The following C1orf167 variants were observed in gnomAD, a reference collection of about 807,000 sequenced individuals.
C1orf167 encodes the protein chromosome 1 open reading frame 167, also known as uncharacterized protein C1orf167.
A neutral mutation model predicts 176.5 loss-of-function variants in C1orf167; 153 were observed. That is an observed-to-expected ratio of 0.87 (90% CI 0.76 to 0.99). The LOEUF (loss-of-function observed/expected upper bound fraction) is 0.99, where lower values mean the gene tolerates loss of function less well. C1orf167 is among the 50% of genes least tolerant of loss of function. The pLI is 0.00. For missense variants in C1orf167, 1,490 were observed against 1,817.7 expected, an observed-to-expected ratio of 0.82 and a Z score of 3.28; for synonymous variants, 594 against 752.7, an observed-to-expected ratio of 0.79 and a Z score of 3.45.
rs1022219939 is a variant in C1orf167, at chr1:11,778,944, C to A, written c.2515C>A (p.Leu839Ile). Reference sequence around the variant, plus strand: ...TCCCCAGGTTCCCAGGGCCCCCACCCTCCCGGACACTCTCCAGGGGAGCCT... The same window carrying A: ...TCCCCAGGTTCCCAGGGCCCCCACCATCCCGGACACTCTCCAGGGGAGCCT... Reference protein sequence around the residue: ...SLEKVPRAPTLPDTLQGSLLW... With the variant: ...SLEKVPRAPTIPDTLQGSLLW... Residue 839 changes from leucine to isoleucine, a missense_variant, in exon 12 of 21, where the codon CTC becomes ATC. Physicochemically the swap from Leu to Ile is conservative, Grantham distance 5. Transcript: ENST00000688073. 123 of 1,303,660 alleles carry A rather than the reference C, an allele frequency of 9.4e-5. No homozygotes were observed. The highest frequency in any genetic ancestry group is 1.2e-4 in the Non-Finnish European group (122 of 988,636). The allele number at this position is 1,303,660 out of a possible 1,614,324, so 80.8% of individuals were successfully genotyped here.
chr1:11,776,567 C>T lies in C1orf167; in HGVS notation c.2268C>T (p.Ala756=). Residue 756 remains alanine (A), a synonymous_variant, in exon 10 of 21, where the codon GCC becomes GCT. Transcript: ENST00000688073. ...AAGGCCGGGGCTCCCTGCAGGATGC[C>T]TGCTGGACACTGGCCCTCTGCTGGG... ...QEQGRGSLQD[A]CWTLALCWAL... 7.9e-7 allele frequency: 1 copy of T among 1,258,668 alleles called. No homozygotes were observed. Among genetic ancestry groups the T allele is most frequent in the South Asian group, 1.3e-5 (1 of 74,898 alleles). 78.0% of individuals were successfully genotyped at this position (1,258,668 alleles called of 1,614,324 possible). A position where few individuals can be genotyped will look rare whatever the true frequency, so the allele number is the denominator to read the frequency against.
intron 16 of C1orf167, 151 bp from the exon 17 acceptor site, chr1:11,787,237 C>T (rs1643898570): frequency 3.3e-6 from 1 of 304,780 alleles, no homozygotes. Context: ...ATGGGCCCAC[C>T]CCATTGTTGG....
At position 11,788,296 on chromosome 1, in the gene C1orf167, G is replaced by C. The variant is rs765145709; in HGVS notation, c.3996G>C (p.Gly1332=). The C allele has an allele frequency of 1.2e-5, 16 of 1,303,556 alleles. No homozygotes were observed. In the East Asian group the frequency reaches 7.8e-4, roughly 63 times the overall value. The allele number at this position is 1,303,556 out of a possible 1,614,324, so 80.7% of individuals were successfully genotyped here. The part of the protein sequence containing the change: ...VPRGTASRAA[G]FPAGQVPGSG... ...GAGGCACTGCTTCACGGGCTGCGGGGTTCCCAGCAGGCCAGGTGCCTGGCA... is the reference window on the plus strand; with the variant it reads ...GAGGCACTGCTTCACGGGCTGCGGGCTTCCCAGCAGGCCAGGTGCCTGGCA... Residue 1332 remains glycine (G), a synonymous_variant, in exon 19 of 21, where the codon GGG becomes GGC. Coordinates refer to ENST00000688073, the MANE Select transcript of C1orf167 (RefSeq NM_001010881.2).
Position 11,772,199 on chromosome 1 carries a change from C to A in C1orf167, c.1928C>A (p.Ala643Asp). ...GSFPQAWHST[A>D]AGVAWVAPLS... The stretch of plus-strand genomic sequence containing the variant: ...TTCCCCCAGGCCTGGCACTCTACTG[C>A]TGCAGGTGTAGCCTGGGTGGCCCCA... The change falls in exon 8 of 21, where the codon GCT becomes GAT. Residue 643 changes from alanine to aspartate, a missense_variant. Physicochemically the swap from Ala to Asp is moderately radical, Grantham distance 126. Transcript: ENST00000688073. 4.6e-6 allele frequency: 6 copies of A among 1,304,312 alleles called. No individual in the cohort carries two copies. Among genetic ancestry groups the A allele is most frequent in the Non-Finnish European group, 6.1e-6 (6 of 988,940 alleles). 80.8% of individuals were successfully genotyped at this position (1,304,312 alleles called of 1,614,324 possible).
chr1:11,784,373 C>T lies in C1orf167; in HGVS notation c.3205C>T (p.Gln1069Ter). ...TGCCCGCTGGAGAAGCTGCGGGCAG[C>T]AAGGCCAGGAAGATGGGCAGCAGAA... ...SLARWRSCGQ[Q>*]GQEDGQQKKA... Residue 1069 changes from glutamine (Q) to a stop codon, truncating the protein, a stop_gained, in exon 15 of 21, where the codon CAA becomes TAA. Transcript: ENST00000688073. LOFTEE classifies it high-confidence loss of function. 1 of 1,304,110 alleles carries T rather than the reference C, an allele frequency of 7.7e-7. No homozygotes were observed. The highest frequency in any genetic ancestry group is 1.0e-6 in the Non-Finnish European group (1 of 988,890). 80.8% of individuals were successfully genotyped at this position (1,304,110 alleles called of 1,614,324 possible).
chr1:11,762,393 AGGG>A, intron 1 of C1orf167, 88 bp downstream of exon 1: 1 of 134,058 alleles, frequency 7.5e-6, no homozygotes, highest in Non-Finnish European at 1.5e-5. Flanking sequence ...TTAAGTGGAC[AGGG>A]GTGGGGGTGG....
chr1:11,770,037 G>A (rs138762021), intron 6 of C1orf167, among the ~76,000 whole-genome samples: 1 of 151,944 alleles, frequency 6.6e-6, no homozygotes, highest in Admixed American at 6.6e-5. Flanking sequence ...CAAATAGTTG[G>A]AAGTCTATTA....
intron 6 of C1orf167, among the ~76,000 whole-genome samples, chr1:11,769,676 T>TG (rs1222879595): frequency 6.7e-6 from 1 of 149,432 alleles, no homozygotes; most frequent in Non-Finnish European, 1.5e-5. Context: ...TTTAGGAAGT[T>TG]TTTTTTTTTT....
chr1:11,782,382 A>ATT, intron 14 of C1orf167, 49 bp downstream of exon 14: 3 of 1,181,756 alleles, frequency 2.5e-6, no homozygotes, highest in Non-Finnish European at 3.2e-6. Flanking sequence ...CACGCAAGGA[A>ATT]TAGCAAGGAG....
chr1:11,772,321 A>G (rs1236970406), intron 8 of C1orf167, 62 bp downstream of exon 8: 2 of 1,238,704 alleles, frequency 1.6e-6, no homozygotes, highest in Non-Finnish European at 2.1e-6. Flanking sequence ...GCTGAAGTAC[A>G]GTGGCACCAT....
chr1:11,778,763 C>T lies in C1orf167; in HGVS notation c.2443C>T (p.Pro815Ser). ...PDATSSCTKT[P>S]SALEPLSSST... Reference sequence around the variant, plus strand: ...TGCCACATCAAGCTGCACCAAGACCCCCTCGGCTCTGGAGCCACTGAGCAG... The same window carrying T: ...TGCCACATCAAGCTGCACCAAGACCTCCTCGGCTCTGGAGCCACTGAGCAG... The change falls in exon 11 of 21, where the codon CCC (proline) becomes TCC (serine). Residue 815 changes from proline to serine, a missense_variant. By Grantham distance (74) the Pro-to-Ser change is moderately conservative. Transcript: ENST00000688073. The T allele has an allele frequency of 6.1e-6, 8 of 1,304,156 alleles. No individual in the cohort carries two copies. The highest frequency in any genetic ancestry group is 8.1e-6 in the Non-Finnish European group (8 of 988,854). The allele number at this position is 1,304,156 out of a possible 1,614,324, so 80.8% of individuals were successfully genotyped here. A position where few individuals can be genotyped will look rare whatever the true frequency, so the allele number is the denominator to read the frequency against.
At position 11,778,997 on chromosome 1, in the gene C1orf167, G is replaced by A. The variant is rs1414093494; in HGVS notation, c.2568G>A (p.Gln856=). Residue 856 remains glutamine, a synonymous_variant, in exon 12 of 21, where the codon CAG becomes CAA. Coordinates refer to ENST00000688073, the MANE Select transcript of C1orf167 (RefSeq NM_001010881.2). ...TGTGGGCAGCTGGGCAGCGGCAGCAGGGGCAGTGCCTTCTGCTCTGGCAGG... is the reference window on the plus strand; with the variant it reads ...TGTGGGCAGCTGGGCAGCGGCAGCAAGGGCAGTGCCTTCTGCTCTGGCAGG... ...SLLWAAGQRQ[Q]GQCLLLWQAR... is the part of the protein sequence containing the mutation. 7.7e-7 allele frequency: 1 copy of A among 1,303,106 alleles called. No individual in the cohort carries two copies. Among genetic ancestry groups the A allele is most frequent in the Non-Finnish European group, 1.0e-6 (1 of 988,306 alleles). The allele number at this position is 1,303,106 out of a possible 1,614,324, so 80.7% of individuals were successfully genotyped here.
At chr1:11,781,852 G>A (rs12141216) in intron 13 of C1orf167, among the ~76,000 whole-genome samples, 18,825 of 151,386 alleles carry the variant, frequency 0.12, 1,508 homozygotes, top group Middle Eastern at 0.23. Context: ...AGAGGTTGCA[G>A]TGAGCTGAGA....
In C1orf167 at chr1:11,782,300, C is replaced by G. The variant is rs1445898701; in HGVS notation, c.2972C>G (p.Thr991Arg). Residue 991 changes from threonine (T) to arginine (R), a missense_variant, in exon 14 of 21, where the codon ACA becomes AGA. Thr to Arg is a moderately conservative substitution (Grantham distance 71). Transcript: ENST00000688073. Reference sequence around the variant, plus strand: ...CAGGCAGCAGCTCATCAGAGATGCACAGTGACCCGGCCAGAGCAGCTGCTA... The same window carrying G: ...CAGGCAGCAGCTCATCAGAGATGCAGAGTGACCCGGCCAGAGCAGCTGCTA... ...WQQAAAHQRCTVTRPEQLLLQ... is the reference protein window; with the variant it reads ...WQQAAAHQRCRVTRPEQLLLQ... The G allele has an allele frequency of 7.7e-7, 1 of 1,293,988 alleles. No individual in the cohort carries two copies. Among genetic ancestry groups the G allele is most frequent in the African/African-American group, 1.5e-5 (1 of 65,474 alleles). 80.2% of individuals were successfully genotyped at this position (1,293,988 alleles called of 1,614,324 possible).
At position 11,766,648 on chromosome 1, in the gene C1orf167, G is replaced by C. The variant is rs1642811994; in HGVS notation, c.862G>C (p.Val288Leu). The change falls in exon 3 of 21, where the codon GTC (valine) becomes CTC (leucine). Residue 288 changes from valine (V) to leucine (L), a missense_variant. Val to Leu is a conservative substitution (Grantham distance 32). Transcript: ENST00000688073. This position sits in a 1 kb window ranked among gnomAD's most constrained non-coding sequence, Gnocchi z 4.5. ...CGCCCACCCCCAGCCCAGCCAGCCT[G>C]TCCTTGCTTCCTCGGATGGGAGGAG... ...FSAHPQPSQP[V>L]LASSDGRRRR... 7.8e-7 allele frequency: 1 copy of C among 1,289,420 alleles called. No individual in the cohort carries two copies. The allele number at this position is 1,289,420 out of a possible 1,614,324, so 79.9% of individuals were successfully genotyped here.
At chr1:11,780,999 C>CTTTTTTTTTTTTTT (rs386366239) in intron 13 of C1orf167, among the ~76,000 whole-genome samples, 1 of 92,788 alleles carries the variant, frequency 1.1e-5, no homozygotes, top group Non-Finnish European at 2.0e-5. Flanking sequence ...CCCAACCAGT[C>CTTTTTTTTTTTTTT]TTTTTTTTTT....
intron 14 of C1orf167, among the ~76,000 whole-genome samples, chr1:11,782,918 C>CAAA (rs70983597): frequency 1.3e-4 from 14 of 104,914 alleles, no homozygotes; most frequent in African/African-American, 5.3e-4. Context: ...GACTCCATCT[C>CAAA]AAAAAAAAAA....
At chr1:11,779,743 G>A in intron 12 of C1orf167, 59 bp from the exon 13 acceptor site, 1 of 1,213,740 alleles carries the variant, frequency 8.2e-7, no homozygotes, top group South Asian at 1.3e-5. Flanking sequence ...GGTGGGGCAG[G>A]GCTGGCCTGG....
At chr1:11,769,202 C>T (rs1045679390) in intron 6 of C1orf167, 75 bp downstream of exon 6, 1 of 943,582 alleles carries the variant, frequency 1.1e-6, no homozygotes, top group African/African-American at 1.8e-5. Context: ...ACTTCCTCAT[C>T]CCCACAAAAG....
Sources: allele counts gnomAD v4.1 joint callset (sites outside exome capture counted in the v4.1 genomes callset), GRCh38; gene constraint gnomAD v4.1.1; non-coding constraint Gnocchi (gnomAD v3.1); transcripts MANE v1.5; gene names NCBI Gene and HGNC (gene_info 2026-07-23, HGNC 2026-07-21).